Variants in SLC2A13 observed in about 807,000 individuals in gnomAD.
SLC2A13 encodes the protein proton myo-inositol cotransporter.
SLC2A13 carries 32 observed loss-of-function variants against 64.4 expected under a neutral mutation model. The ratio of observed to expected loss-of-function variants is 0.50; its 90% CI spans 0.37 to 0.67. The LOEUF is 0.67. Among genes scored for constraint, SLC2A13 ranks in the 30% least tolerant of loss-of-function variants. The pLI is 0.00. For synonymous variants in SLC2A13, 338 were observed against 327.1 expected (o/e 1.03, Z -0.36); for missense variants, 743 against 829.2 (o/e 0.90, Z 1.28).
intron 3 of SLC2A13, among the ~76,000 whole-genome samples, chr12:40,019,045 T>C (rs1947667212): frequency 6.6e-6 from 1 of 152,086 alleles, no homozygotes; most frequent in Admixed American, 6.6e-5. Flanking sequence ...GCAATGATAA[T>C]TTTGGAGGCC....
chr12:39,991,707 C>A (rs964498410), intron 3 of SLC2A13, among the ~76,000 whole-genome samples: 7 of 152,112 alleles, frequency 4.6e-5, no homozygotes, highest in African/African-American at 1.7e-4. Flanking sequence ...TCCCACTCAC[C>A]ATCCTATTAT....
At chr12:40,086,418 C>T (rs1306919592) in intron 1 of SLC2A13, among the ~76,000 whole-genome samples, 1 of 152,146 alleles carries the variant, frequency 6.6e-6, no homozygotes, top group African/African-American at 2.4e-5. Flanking sequence ...TTTAGTGCCA[C>T]TTGTTTTTGT....
rs557237016 is a variant in SLC2A13 at position 39,889,503 on chromosome 12, G to A, written c.1035-17542C>T. On this transcript the variant is annotated intron_variant, in intron 4 of 9. Transcript: ENST00000280871. ...TATACAGAGAAAGTGAGTAGAGGCC[G>A]ACTTTACGCTTCAGTGGTAAACAAC... Among the ~76,000 whole-genome samples the A allele has an allele frequency of 6.0e-5, 9 of 149,826 alleles. No homozygotes were observed. In the South Asian group the frequency reaches 8.5e-4, roughly 14 times the overall value.
In SLC2A13 at chr12:39,852,801, C is replaced by T. The variant is rs191391966; in HGVS notation, c.1319+11961G>A. Among the ~76,000 whole-genome samples, 48 of 152,276 alleles carry T rather than the reference C, an allele frequency of 3.2e-4. 1 individual carries two copies. Among genetic ancestry groups the T allele is most frequent in the Admixed American group, 3.0e-3 (46 of 15,298 alleles). On this transcript the variant is annotated intron_variant, in intron 6 of 9. Coordinates refer to ENST00000280871, the MANE Select transcript of SLC2A13 (RefSeq NM_052885.4). ...TGAAACCAATCAGATTGGTTGTGACCTCGTCTTCATTTGCATAGCGGTATA... is the reference window on the plus strand; with the variant it reads ...TGAAACCAATCAGATTGGTTGTGACTTCGTCTTCATTTGCATAGCGGTATA...
At chr12:39,939,497 T>C (rs1945982447) in intron 4 of SLC2A13, among the ~76,000 whole-genome samples, 1 of 152,186 alleles carries the variant, frequency 6.6e-6, no homozygotes, top group Admixed American at 6.5e-5. Flanking sequence ...GAGAAGCCAG[T>C]GGAGTTCATA....
intron 1 of SLC2A13, among the ~76,000 whole-genome samples, chr12:40,064,162 T>G (rs10878049): frequency 0.33 from 50,390 of 151,934 alleles, 8,667 homozygotes; most frequent in Non-Finnish European, 0.38. Context: ...GGATGATCAC[T>G]TGAGTCCGCA....
In SLC2A13 at chr12:39,999,461, C is replaced by G. The variant is rs931611586; in HGVS notation, c.925+28840G>C. On this transcript the variant is annotated intron_variant, in intron 3 of 9. Coordinates refer to ENST00000280871, the MANE Select transcript of SLC2A13 (RefSeq NM_052885.4). ...GGGGGGAGGTCTACAAACAGCCGCT[C>G]TGGGAGTGTCTGTCTTATGCAGTTG... 5.9e-5 allele frequency among the ~76,000 whole-genome samples: 9 copies of G among 152,218 alleles called. No homozygotes were observed. The South Asian group carries it at 1.7e-3, about 28-fold the overall frequency.
chr12:40,105,880 C>A lies in SLC2A13; in HGVS notation c.-72G>T. 7.8e-7 allele frequency: 1 copy of A among 1,274,656 alleles called. No individual in the cohort carries two copies. The highest frequency in any genetic ancestry group is 2.5e-5 in the South Asian group (1 of 39,288). 79.0% of individuals were successfully genotyped at this position (1,274,656 alleles called of 1,614,324 possible). On this transcript the variant is annotated 5_prime_UTR_variant, in exon 1 of 10. Coordinates refer to ENST00000280871, the MANE Select transcript of SLC2A13 (RefSeq NM_052885.4). The surrounding 1 kb of genome is among the most constrained non-coding windows in gnomAD (Gnocchi z 4.2). ...GGCAGTCTCGGCGAGCTAGACAGCC[C>A]GAGCCGGCGGGAGCAACCGCCGCTG...
intron 7 of SLC2A13, among the ~76,000 whole-genome samples, chr12:39,825,191 C>A (rs1942635966): frequency 6.6e-6 from 1 of 152,018 alleles, no homozygotes; most frequent in Non-Finnish European, 1.5e-5. Context: ...AAGAAAGTGT[C>A]CCTCATTAGC....
chr12:39,941,906 C>A (rs781730427), intron 4 of SLC2A13, among the ~76,000 whole-genome samples: 2 of 152,142 alleles, frequency 1.3e-5, no homozygotes, highest in Non-Finnish European at 2.9e-5. Flanking sequence ...AGATGAGGAT[C>A]CAGTTTCATT....
At chr12:39,815,539 C>T (rs1374469607) in intron 7 of SLC2A13, among the ~76,000 whole-genome samples, 1 of 152,144 alleles carries the variant, frequency 6.6e-6, no homozygotes, top group Admixed American at 6.5e-5. Flanking sequence ...CCAGGCATAA[C>T]GTCTGGCAGA....
At chr12:39,972,353 A>G (rs1351929376) in intron 3 of SLC2A13, among the ~76,000 whole-genome samples, 1 of 152,120 alleles carries the variant, frequency 6.6e-6, no homozygotes, top group Non-Finnish European at 1.5e-5. Flanking sequence ...GTTTATGCAG[A>G]TGATGGTTAA....
intron 7 of SLC2A13, among the ~76,000 whole-genome samples, chr12:39,766,932 C>CT (rs1162926492): frequency 1.3e-5 from 2 of 152,052 alleles, no homozygotes; most frequent in African/African-American, 4.8e-5. Context: ...GTCTTCAGCC[C>CT]TTTAAAGTCA....
intron 7 of SLC2A13, among the ~76,000 whole-genome samples, chr12:39,817,099 C>A (rs1942361404): frequency 6.6e-6 from 1 of 151,988 alleles, no homozygotes; most frequent in Non-Finnish European, 1.5e-5. Context: ...AGCAAAAACA[C>A]AGAGAACATC....
chr12:39,801,426 A>G (rs1941788384), intron 7 of SLC2A13, among the ~76,000 whole-genome samples: 1 of 151,968 alleles, frequency 6.6e-6, no homozygotes, highest in Non-Finnish European at 1.5e-5. Context: ...AGCCATAAAC[A>G]AAAGAGAGTT....
intron 3 of SLC2A13, among the ~76,000 whole-genome samples, chr12:40,005,834 C>T (rs1947406518): frequency 6.6e-6 from 1 of 152,094 alleles, no homozygotes; most frequent in South Asian, 2.1e-4. Context: ...AATCAAGCCC[C>T]CGTGGATACC....
intron 4 of SLC2A13, among the ~76,000 whole-genome samples, chr12:39,886,447 T>G (rs1350521351): frequency 1.3e-5 from 2 of 152,138 alleles, no homozygotes; most frequent in African/African-American, 4.8e-5. Flanking sequence ...ATATGAAGTG[T>G]GATCTGAAGA....
intron 4 of SLC2A13, among the ~76,000 whole-genome samples, chr12:39,924,942 A>G (rs958928617): frequency 6.6e-6 from 1 of 151,980 alleles, no homozygotes; most frequent in African/African-American, 2.4e-5. Context: ...TTTCTTCAAC[A>G]TTTATTTATA....
chr12:39,763,162 ATT>A (rs1940226870), intron 9 of SLC2A13, among the ~76,000 whole-genome samples: 1 of 152,026 alleles, frequency 6.6e-6, no homozygotes, highest in South Asian at 2.1e-4. Context: ...TTATCGAAAA[ATT>A]TTAATTGCCA....
Sources: allele counts gnomAD v4.1 joint callset (sites outside exome capture counted in the v4.1 genomes callset), GRCh38; gene constraint gnomAD v4.1.1; non-coding constraint Gnocchi (gnomAD v3.1); transcripts MANE v1.5; gene names NCBI Gene and HGNC (gene_info 2026-07-23, HGNC 2026-07-21).